Variants in SGCD observed in about 807,000 individuals in gnomAD.
SGCD encodes the protein sarcoglycan delta, also known as delta-sarcoglycan.
A neutral mutation model predicts 36.6 loss-of-function variants in SGCD; 18 were observed. The ratio of observed to expected loss-of-function variants is 0.49; its 90% CI spans 0.34 to 0.73. SGCD has a LOEUF of 0.73. Among genes scored for constraint, SGCD ranks in the 30% least tolerant of loss-of-function variants. SGCD has a pLI of 0.01. For missense variants in SGCD, 387 were observed against 346.7 expected (o/e 1.12, Z -0.92); for synonymous variants, 133 against 130.6 (o/e 1.02, Z -0.12).
intron 7 of SGCD, among the ~76,000 whole-genome samples, chr5:156,678,847 C>G (rs1025470130): frequency 6.6e-6 from 1 of 152,150 alleles, no homozygotes; most frequent in African/African-American, 2.4e-5. Flanking sequence ...GGGTGGGAGA[C>G]AGACACCGAA....
the SGCD span, among the ~76,000 whole-genome samples, chr5:155,848,493 A>C: frequency 6.6e-6 from 1 of 152,170 alleles, no homozygotes; most frequent in African/African-American, 2.4e-5. Flanking sequence ...TCTCTCTTCC[A>C]AATCCTTGCA....
At chr5:155,834,051 C>A in the SGCD span, among the ~76,000 whole-genome samples, 2 of 152,294 alleles carry the variant, frequency 1.3e-5, no homozygotes, top group African/African-American at 4.8e-5. Flanking sequence ...AAATCCTTAC[C>A]ATCCTTTAAA....
chr5:156,257,214 C>A (rs1304762651), intron 3 of SGCD, among the ~76,000 whole-genome samples: 1 of 152,012 alleles, frequency 6.6e-6, no homozygotes, highest in African/African-American at 2.4e-5. Flanking sequence ...GTGGCTCACG[C>A]CTGTAATCTC....
At chr5:155,825,685 G>A in the SGCD span, among the ~76,000 whole-genome samples, 2 of 151,956 alleles carry the variant, frequency 1.3e-5, no homozygotes, top group Non-Finnish European at 2.9e-5. Flanking sequence ...GGATCGAGGA[G>A]TGCAAGCAAT....
At chr5:156,738,964 A>G (rs765747413) in intron 7 of SGCD, among the ~76,000 whole-genome samples, 1 of 152,254 alleles carries the variant, frequency 6.6e-6, no homozygotes, top group Non-Finnish European at 1.5e-5. Context: ...AGCTTTAAAG[A>G]AATATCCTAC....
In SGCD at chr5:156,258,404, G is replaced by A. The variant is rs544400352; in HGVS notation, c.-43-71130G>A. Among the ~76,000 whole-genome samples, 23 of 152,284 alleles carry A rather than the reference G, an allele frequency of 1.5e-4. No individual in the cohort carries two copies. In the South Asian group the frequency reaches 4.2e-3, roughly 28 times the overall value. ...GGTAAAAATGAATTCAAAGTAAAAG[G>A]AGGACCAATGAACTTTAATGTAATT... is the stretch of plus-strand genomic sequence containing the variant. On this transcript the variant is annotated intron_variant, in intron 3 of 9. Transcript: ENST00000517913.
At chr5:155,799,399 T>A in the SGCD span, among the ~76,000 whole-genome samples, 8 of 151,204 alleles carry the variant, frequency 5.3e-5, no homozygotes, top group East Asian at 9.6e-4. Context: ...TGACTTTATT[T>A]TTTTTTTTTT....
At position 155,961,715 on chromosome 5, in the gene SGCD, ATTTT is replaced by A. The variant is rs532812325; in HGVS notation, c.-282+91298_-282+91301del. Among the ~76,000 whole-genome samples the A allele has an allele frequency of 2.7e-5, 4 of 150,696 alleles. No homozygotes were observed. The South Asian group carries it at 8.4e-4, about 32-fold the overall frequency. ...AAGGTATTTATGAAACCAAATGTGA[ATTTT>A]TTTTTTCTTTTTTTACTTTTTGGTT... On this transcript the variant is annotated intron_variant, in intron 1 of 9. Transcript: ENST00000517913.
the SGCD span, among the ~76,000 whole-genome samples, chr5:155,784,563 C>T: frequency 1.3e-5 from 2 of 150,266 alleles, no homozygotes; most frequent in Non-Finnish European, 2.9e-5. Context: ...TGCAGTTAGG[C>T]TTGGTGAGGG....
intron 6 of SGCD, among the ~76,000 whole-genome samples, chr5:156,645,059 C>T (rs893546052): frequency 3.3e-5 from 5 of 151,742 alleles, no homozygotes; most frequent in Admixed American, 3.3e-4. Flanking sequence ...CTGATTGATT[C>T]TATGGAATTA....
intron 6 of SGCD, among the ~76,000 whole-genome samples, chr5:156,600,121 CAT>C (rs748747711): frequency 3.3e-4 from 50 of 152,088 alleles, no homozygotes; most frequent in Non-Finnish European, 2.8e-4. Flanking sequence ...AGGTAGTTAG[CAT>C]ATTCAACACC....
chr5:156,531,595 C>G (rs1262466217), intron 4 of SGCD, among the ~76,000 whole-genome samples: 1 of 152,064 alleles, frequency 6.6e-6, no homozygotes, highest in Admixed American at 6.6e-5. Context: ...CTGTTCGATC[C>G]AGCAACATTG....
At chr5:156,140,756 AG>A (rs774059820) in intron 3 of SGCD, among the ~76,000 whole-genome samples, 1 of 152,240 alleles carries the variant, frequency 6.6e-6, no homozygotes, top group Non-Finnish European at 1.5e-5. Context: ...AGAATAAAAA[AG>A]CATGTTTAGG....
intron 1 of SGCD, among the ~76,000 whole-genome samples, chr5:156,005,002 G>A (rs1758729106): frequency 1.3e-5 from 2 of 152,198 alleles, no homozygotes; most frequent in Admixed American, 1.3e-4. Flanking sequence ...GCATTCCACA[G>A]TGTGGCAAGC....
chr5:156,643,657 G>A (rs1204520819), intron 6 of SGCD, among the ~76,000 whole-genome samples: 2 of 152,008 alleles, frequency 1.3e-5, no homozygotes, highest in African/African-American at 4.8e-5. Context: ...CGAAAATCAG[G>A]TTTTTGGTTT....
intron 3 of SGCD, among the ~76,000 whole-genome samples, chr5:156,242,983 G>C (rs562531642): frequency 6.6e-6 from 1 of 152,224 alleles, no homozygotes; most frequent in African/African-American, 2.4e-5. Context: ...TGGTCATGCA[G>C]GTTGCCTTTG....
At chr5:156,529,344 G>C (rs952035102) in intron 4 of SGCD, among the ~76,000 whole-genome samples, 49 of 147,660 alleles carry the variant, frequency 3.3e-4, no homozygotes, top group African/African-American at 9.3e-4. Context: ...AGAATTGCAT[G>C]AACCTGGGAG....
intron 3 of SGCD, among the ~76,000 whole-genome samples, chr5:156,305,174 A>G (rs1436085251): frequency 6.6e-6 from 1 of 152,184 alleles, no homozygotes; most frequent in Non-Finnish European, 1.5e-5. Flanking sequence ...GACAATGGGG[A>G]AAATATCTCC....
chr5:156,616,331 T>C (rs535807835), intron 6 of SGCD, among the ~76,000 whole-genome samples: 1 of 152,212 alleles, frequency 6.6e-6, no homozygotes, highest in African/African-American at 2.4e-5. Flanking sequence ...CTAGGTCATA[T>C]TCCCACTGCT....
Sources: allele counts gnomAD v4.1 joint callset (sites outside exome capture counted in the v4.1 genomes callset), GRCh38; gene constraint gnomAD v4.1.1; transcripts MANE v1.5; gene names NCBI Gene and HGNC (gene_info 2026-07-23, HGNC 2026-07-21).